Variants in PHKA2 observed in about 807,000 individuals in gnomAD.
PHKA2 encodes the protein phosphorylase b kinase regulatory subunit alpha, liver isoform.
Under a neutral mutation model 102.0 loss-of-function variants are expected in PHKA2, and 31 were observed. The ratio of observed to expected loss-of-function variants is 0.30; its 90% CI spans 0.23 to 0.41. PHKA2 has a LOEUF of 0.41. Ranked by LOEUF, PHKA2 falls within the 10% of genes least tolerant of loss-of-function variation. PHKA2 has a pLI of 1.00. For missense variants in PHKA2, 858 were observed against 1,023.1 expected (o/e 0.84, Z 2.20); for synonymous variants, 455 against 416.2 (o/e 1.09, Z -1.13).
In PHKA2 at chrX:18,927,018, G is replaced by A. The variant is rs759779346; in HGVS notation, c.1325-431C>T. Among the ~76,000 whole-genome samples the A allele has an allele frequency of 2.8e-4, 31 of 111,867 alleles. No homozygotes were observed. The South Asian group carries it at 0.011, about 39-fold the overall frequency. On this transcript the variant is annotated intron_variant, in intron 13 of 32. Transcript: ENST00000379942. ...GTGCCCCTGCTCCCAAAGGACGGGG[G>A]AAAGAAGAGTAAGATGGGGGCGCCT... is the stretch of plus-strand genomic sequence containing the variant.
At position 18,983,866 on chromosome X, in the gene PHKA2, G is replaced by C. The variant is rs144220206; in HGVS notation, c.67C>G (p.Leu23Val). Residue 23 changes from leucine to valine, a missense_variant, in exon 1 of 33, where the codon CTG becomes GTG. Transcript: ENST00000379942. ...GYARLVQQTI[L>V]CYQNPVTGLL... Reference sequence around the variant, plus strand: ...CGGTCCCTCCTTACCTGGTAACACAGGATGGTTTGCTGCACCAGCCGCGCG... The same window carrying C: ...CGGTCCCTCCTTACCTGGTAACACACGATGGTTTGCTGCACCAGCCGCGCG... 5.0e-6 allele frequency: 6 copies of C among 1,209,218 alleles called. No homozygotes were observed. Among genetic ancestry groups the C allele is most frequent in the Non-Finnish European group, 6.7e-6 (6 of 893,742 alleles).
chrX:18,968,335 T>TA (rs1370908491), intron 1 of PHKA2, among the ~76,000 whole-genome samples: 10 of 112,898 alleles, frequency 8.9e-5, no homozygotes, highest in African/African-American at 2.9e-4. Context: ...AGAAGATAGC[T>TA]ATATTCTCAT....
rs775095183 is a variant in PHKA2 at position 18,955,408 on chromosome X, C to T, written c.79-996G>A. Among the ~76,000 whole-genome samples, 5 of 102,499 alleles carry T rather than the reference C, an allele frequency of 4.9e-5. No homozygotes were observed. In the East Asian group the frequency reaches 1.5e-3, roughly 31 times the overall value. 89.0% of individuals were successfully genotyped at this position (102,499 alleles called of 115,157 possible). A position where few individuals can be genotyped will look rare whatever the true frequency, so the allele number is the denominator to read the frequency against. On this transcript the variant is annotated intron_variant, in intron 1 of 32. Coordinates refer to ENST00000379942, the MANE Select transcript of PHKA2 (RefSeq NM_000292.3). ...TTTTTTTTTTGGTGATGAAAATGCTCGAAAATTGATTGTGGTGATGAATGC... is the reference window on the plus strand; with the variant it reads ...TTTTTTTTTTGGTGATGAAAATGCTTGAAAATTGATTGTGGTGATGAATGC...
intron 1 of PHKA2, among the ~76,000 whole-genome samples, chrX:18,981,116 G>C (rs1161528848): frequency 9.0e-6 from 1 of 110,672 alleles, no homozygotes; most frequent in Non-Finnish European, 1.9e-5. Context: ...GTGCTCATTC[G>C]TTTTTCTAGA....
intron 30 of PHKA2, chrX:18,895,504 G>A: frequency 3.3e-6 from 1 of 307,012 alleles, no homozygotes; most frequent in Non-Finnish European, 5.8e-6. Context: ...GCGGCTGCGA[G>A]GCCCCTTTGG....
At chrX:18,930,626 G>C (rs916352563) in intron 12 of PHKA2, among the ~76,000 whole-genome samples, 2 of 111,142 alleles carry the variant, frequency 1.8e-5, no homozygotes, top group Non-Finnish European at 3.8e-5. Context: ...AGACCTGCCC[G>C]GGATCAGAGA....
intron 5 of PHKA2, 53 bp downstream of exon 5, chrX:18,948,691 T>C: frequency 1.2e-6 from 1 of 853,471 alleles, no homozygotes; most frequent in Non-Finnish European, 1.7e-6. Context: ...GTATGATTTT[T>C]ATTCTTTTTG....
At chrX:18,911,162 C>G (rs1407881687) in intron 19 of PHKA2, among the ~76,000 whole-genome samples, 1 of 108,738 alleles carries the variant, frequency 9.2e-6, no homozygotes, top group Non-Finnish European at 1.9e-5. Context: ...CGTGCCACCA[C>G]GCCCAGCTAA....
chrX:18,964,554 T>C (rs1401242361), intron 1 of PHKA2, among the ~76,000 whole-genome samples: 1 of 112,130 alleles, frequency 8.9e-6, no homozygotes, highest in African/African-American at 3.2e-5. Flanking sequence ...AAGCAAAAAA[T>C]AGAAAGTGAA....
chrX:18,906,484 G>A lies in PHKA2; in HGVS notation c.2806+11C>T, dbSNP rs770553866. ...GTGCGGCGGGAGCTGCAGGAGCTGC[G>A]GGCATCTCACCTGAGCAGTTCAGGC... On this transcript the variant is annotated intron_variant, in intron 25 of 32. Transcript: ENST00000379942. 1.7e-5 allele frequency: 21 copies of A among 1,210,024 alleles called. No homozygotes were observed. Among genetic ancestry groups the A allele is most frequent in the African/African-American group, 3.5e-5 (2 of 57,443 alleles).
chrX:18,906,872 G>T, intron 23 of PHKA2, 58 bp from the exon 24 acceptor site: 6 of 1,053,772 alleles, frequency 5.7e-6, no homozygotes, highest in Middle Eastern at 2.5e-4. Flanking sequence ...GTGCCTCCTC[G>T]CCCTCCATGG....
Position 18,893,168 on chromosome X carries a change from T to C in PHKA2, c.*317A>G, listed in dbSNP as rs745509660. 2.0e-5 allele frequency: 7 copies of C among 341,575 alleles called. No homozygotes were observed. The highest frequency in any genetic ancestry group is 5.2e-5 in the African/African-American group (2 of 38,267). 28.1% of individuals were successfully genotyped at this position (341,575 alleles called of 1,213,427 possible). ...TTTAAGCTGGCGTCTCAGTTCCCTC[T>C]GCACTCAAAAGAGACCAATTTCCAA... On this transcript the variant is annotated 3_prime_UTR_variant, in exon 33 of 33. Coordinates refer to ENST00000379942, the MANE Select transcript of PHKA2 (RefSeq NM_000292.3).
At chrX:18,898,673 CAA>C (rs2047619971) in intron 29 of PHKA2, among the ~76,000 whole-genome samples, 1 of 112,232 alleles carries the variant, frequency 8.9e-6, no homozygotes, top group South Asian at 3.7e-4. Flanking sequence ...CAATTAGACA[CAA>C]ATAAAAGTAA....
At position 18,894,086 on chromosome X, in the gene PHKA2, T is replaced by C. The variant is rs936164530; in HGVS notation, c.3537+118A>G. ...TTTCTAAGCAAGTGGTTGACATTTT[T>C]TCCCCATCATCTGTGATGACATTTT... On this transcript the variant is annotated intron_variant, in intron 32 of 32. Transcript: ENST00000379942. 22 of 693,423 alleles carry C rather than the reference T, an allele frequency of 3.2e-5. 2 individuals carry two copies. The highest frequency in any genetic ancestry group is 1.5e-4 in the African/African-American group (7 of 46,762). The allele number at this position is 693,423 out of a possible 1,213,427, so 57.1% of individuals were successfully genotyped here.
chrX:18,929,840 C>T (rs994035812), intron 12 of PHKA2, among the ~76,000 whole-genome samples: 1 of 111,891 alleles, frequency 8.9e-6, no homozygotes, highest in Admixed American at 9.5e-5. Flanking sequence ...CCCTTTTCCC[C>T]AAAGCCAGCC....
chrX:18,964,802 G>C (rs2048916501), intron 1 of PHKA2, among the ~76,000 whole-genome samples: 1 of 112,683 alleles, frequency 8.9e-6, no homozygotes, highest in African/African-American at 3.2e-5. Context: ...GATAGATTTT[G>C]TACAATTTGG....
chrX:18,922,246 C>CA (rs1314413550), intron 17 of PHKA2, among the ~76,000 whole-genome samples: 57 of 87,416 alleles, frequency 6.5e-4, no homozygotes, highest in Admixed American at 7.7e-4. Flanking sequence ...AACTCCGTTT[C>CA]AAAAAAAAAA....
Position 18,901,364 on chromosome X carries a change from G to A in PHKA2, c.3027+121C>T, listed in dbSNP as rs1267569289. 7 of 556,188 alleles carry A rather than the reference G, an allele frequency of 1.3e-5. No individual in the cohort carries two copies. In the East Asian group the frequency reaches 1.7e-4, roughly 13 times the overall value. 45.8% of individuals were successfully genotyped at this position (556,188 alleles called of 1,213,427 possible). A position where few individuals can be genotyped will look rare whatever the true frequency, so the allele number is the denominator to read the frequency against. On this transcript the variant is annotated intron_variant, in intron 27 of 32. Coordinates refer to ENST00000379942, the MANE Select transcript of PHKA2 (RefSeq NM_000292.3). ...GGTGTGTTCAGATCCCAGACAGAAGGGACCTCCCACTCTACAGACAGTGGG... is the reference window on the plus strand; with the variant it reads ...GGTGTGTTCAGATCCCAGACAGAAGAGACCTCCCACTCTACAGACAGTGGG...
intron 1 of PHKA2, among the ~76,000 whole-genome samples, chrX:18,964,552 A>C (rs1449298286): frequency 8.9e-6 from 1 of 112,468 alleles, no homozygotes; most frequent in African/African-American, 3.2e-5. Context: ...TAAAGCAAAA[A>C]ATAGAAAGTG....
Sources: gnomAD v4.1 joint callset for allele counts (sites outside exome capture counted in the v4.1 genomes callset) on GRCh38, gnomAD v4.1.1 for gene constraint, MANE v1.5 for transcripts, NCBI Gene and HGNC (gene_info 2026-07-23, HGNC 2026-07-21) for gene names.